The following PCDHGA5 variants were observed in gnomAD, a reference collection of about 807,000 sequenced individuals.
PCDHGA5 encodes the protein protocadherin gamma-A5.
A neutral mutation model predicts 56.7 loss-of-function variants in PCDHGA5; 36 were observed. That is an observed-to-expected ratio of 0.64 (90% confidence interval 0.49 to 0.84). PCDHGA5 has a LOEUF of 0.84. Among genes scored for constraint, PCDHGA5 ranks in the 40% least tolerant of loss-of-function variants. The pLI is 0.00. For synonymous variants in PCDHGA5, 563 were observed against 520.2 expected, an observed-to-expected ratio of 1.08 and a Z score of -1.12; for missense variants, 1,305 against 1,201.5, an observed-to-expected ratio of 1.09 and a Z score of -1.27.
chr5:141,502,866 CTT>C (rs549047197), intron 2 of PCDHGA5, among the ~76,000 whole-genome samples: 3 of 127,996 alleles, frequency 2.3e-5, no homozygotes, highest in Admixed American at 8.6e-5. Flanking sequence ...GACTCTCTGT[CTT>C]TTTTTTTTTT....
In PCDHGA5 at chr5:141,502,866, C is replaced by CTTTTTTTTTTTT. The variant is rs549047197; in HGVS notation, c.2481-2524_2481-2513dup. 2.4e-4 allele frequency among the ~76,000 whole-genome samples: 31 copies of CTTTTTTTTTTTT among 128,008 alleles called. 3 individuals are homozygous for CTTTTTTTTTTTT. Among genetic ancestry groups the CTTTTTTTTTTTT allele is most frequent in the African/African-American group, 3.4e-4 (11 of 32,350 alleles). 84.0% of individuals were successfully genotyped at this position (128,008 alleles called of 152,430 possible). ...GAGCTGCCTAACCCTGACTCTCTGT[C>CTTTTTTTTTTTT]TTTTTTTTTTTTTTGACAGGGAGTC... is the stretch of plus-strand genomic sequence containing the variant. On this transcript the variant is annotated intron_variant, in intron 2 of 3. Transcript: ENST00000518069.
In PCDHGA5 at chr5:141,365,775, G is replaced by A; in HGVS notation, c.1445G>A (p.Gly482Asp). 3 of 1,613,864 alleles carry A rather than the reference G, an allele frequency of 1.9e-6. No homozygotes were observed. The highest frequency in any genetic ancestry group is 2.5e-6 in the Non-Finnish European group (3 of 1,179,884). The change falls in exon 1 of 4, where the codon GGC becomes GAC. Residue 482 changes from glycine to aspartate, a missense_variant. Physicochemically the swap from Gly to Asp is moderately conservative, Grantham distance 94 (BLOSUM62 -1). Coordinates refer to ENST00000518069, the MANE Select transcript of PCDHGA5 (RefSeq NM_018918.3). Reference sequence around the variant, plus strand: ...GTGACAGCCCATGACCCCGACAGCGGCGACAACGCTCGAGTCACCTACTCC... The same window carrying A: ...GTGACAGCCCATGACCCCGACAGCGACGACAACGCTCGAGTCACCTACTCC... ...FSVTAHDPDS[G>D]DNARVTYSLA... is the part of the protein sequence containing the mutation.
intron 1 of PCDHGA5, chr5:141,478,323 G>T (rs1234175290): frequency 1.2e-6 from 2 of 1,613,958 alleles, no homozygotes; most frequent in African/African-American, 2.7e-5. Context: ...TCACTGTACC[G>T]AACACCAGGG....
rs765751985 is a variant in PCDHGA5 at position 141,365,237 on chromosome 5, A to G, written c.907A>G (p.Thr303Ala). ...QLDSNLGEIS[T>A]LQSLDYEESR... ...TGATTCCAACCTGGGGGAAATCTCAACTCTACAATCACTGGACTATGAAGA... is the reference window on the plus strand; with the variant it reads ...TGATTCCAACCTGGGGGAAATCTCAGCTCTACAATCACTGGACTATGAAGA... Residue 303 changes from threonine to alanine, a missense_variant, in exon 1 of 4, where the codon ACT becomes GCT. By Grantham distance (58) the Thr-to-Ala change is moderately conservative (BLOSUM62 0). Coordinates refer to ENST00000518069, the MANE Select transcript of PCDHGA5 (RefSeq NM_018918.3). The G allele has an allele frequency of 1.2e-6, 2 of 1,613,962 alleles. No homozygotes were observed. The highest frequency in any genetic ancestry group is 4.5e-5 in the East Asian group (2 of 44,888).
At chr5:141,387,838 A>AG (rs2091116111) in intron 1 of PCDHGA5, 1 of 1,598,608 alleles carries the variant, frequency 6.3e-7, no homozygotes, top group African/African-American at 1.3e-5. Flanking sequence ...GGTTATTTGT[A>AG]ACCCGGCGTC....
At chr5:141,381,496 A>G (rs139374379) in intron 1 of PCDHGA5, among the ~76,000 whole-genome samples, 67 of 152,346 alleles carry the variant, frequency 4.4e-4, no homozygotes, top group African/African-American at 1.4e-3. Flanking sequence ...TCTCAATTAC[A>G]CTAGAATAGA....
intron 1 of PCDHGA5, among the ~76,000 whole-genome samples, chr5:141,436,809 A>T (rs2097847373): frequency 6.6e-6 from 1 of 152,242 alleles, no homozygotes; most frequent in Non-Finnish European, 1.5e-5. Context: ...TTTTTGTGAC[A>T]GCTGGTTTAA....
intron 1 of PCDHGA5, among the ~76,000 whole-genome samples, chr5:141,406,071 C>T (rs2094755708): frequency 7.4e-6 from 1 of 134,244 alleles, no homozygotes; most frequent in East Asian, 2.1e-4. Context: ...AATTCTTACT[C>T]CTTTTTTTTT....
chr5:141,448,204 C>G (rs757249025), intron 1 of PCDHGA5, among the ~76,000 whole-genome samples: 28 of 152,124 alleles, frequency 1.8e-4, no homozygotes, highest in South Asian at 4.1e-4. Flanking sequence ...CAAACATTTT[C>G]TGTGTGTATG....
At position 141,511,572 on chromosome 5, in the gene PCDHGA5, T is replaced by C. The variant is rs1366960269; in HGVS notation, c.*399T>C. The C allele has an allele frequency of 1.0e-5, 3 of 289,550 alleles. No homozygotes were observed. The East Asian group carries it at 2.4e-4, about 23-fold the overall frequency. 17.9% of individuals were successfully genotyped at this position (289,550 alleles called of 1,614,324 possible). ...AACAGTTCCTCTTTCCCGAGTAAGG[T>C]GGTTGGGGTGTTGAAGTACCAAGTA... On this transcript the variant is annotated 3_prime_UTR_variant, in exon 4 of 4. Coordinates refer to ENST00000518069, the MANE Select transcript of PCDHGA5 (RefSeq NM_018918.3).
At chr5:141,508,664 T>C (rs1381178258) in intron 3 of PCDHGA5, among the ~76,000 whole-genome samples, 1 of 152,030 alleles carries the variant, frequency 6.6e-6, no homozygotes, top group Non-Finnish European at 1.5e-5. Context: ...TGTCATTCTG[T>C]CTCTGCCTCC....
chr5:141,432,276 C>G lies in PCDHGA5; in HGVS notation c.2422-62531C>G, dbSNP rs747589363. ...GGGGCAAGCCTATCGTCCTACGTGT[C>G]CATCAACTCCGACACTGGGGTACTG... On this transcript the variant is annotated intron_variant, in intron 1 of 3. Transcript: ENST00000518069. The surrounding 1 kb of genome is among the most constrained non-coding windows in gnomAD (Gnocchi z 6.0). 6.2e-7 allele frequency: 1 copy of G among 1,614,236 alleles called. No homozygotes were observed. Among genetic ancestry groups the G allele is most frequent in the Non-Finnish European group, 8.5e-7 (1 of 1,180,044 alleles).
chr5:141,446,075 A>G (rs907731619), intron 1 of PCDHGA5, among the ~76,000 whole-genome samples: 1 of 152,216 alleles, frequency 6.6e-6, no homozygotes, highest in Admixed American at 6.5e-5. Context: ...GAGGCAGTGG[A>G]TGTAGAAATA....
In PCDHGA5 at chr5:141,476,258, G is replaced by A. The variant is rs1247889010; in HGVS notation, c.2422-18549G>A. 1 of 1,614,018 alleles carries A rather than the reference G, an allele frequency of 6.2e-7. No individual in the cohort carries two copies. Among genetic ancestry groups the A allele is most frequent in the South Asian group, 1.1e-5 (1 of 91,066 alleles). Reference sequence around the variant, plus strand: ...GGAAAGAGAGAAGGGTTTCGCTGTGGGCAACGTGGTCGCGAACCTTGGTTT... The same window carrying A: ...GGAAAGAGAGAAGGGTTTCGCTGTGAGCAACGTGGTCGCGAACCTTGGTTT... On this transcript the variant is annotated intron_variant, in intron 1 of 3. Coordinates refer to ENST00000518069, the MANE Select transcript of PCDHGA5 (RefSeq NM_018918.3). This position sits in a 1 kb window ranked among gnomAD's most constrained non-coding sequence, Gnocchi z 7.6.
chr5:141,403,358 G>C (rs1031210052), intron 1 of PCDHGA5: 3 of 1,614,026 alleles, frequency 1.9e-6, no homozygotes, highest in Non-Finnish European at 2.5e-6. Flanking sequence ...GTTCCAGGCC[G>C]AAAGTCTGGA....
At chr5:141,508,896 C>A (rs1171693212) in intron 3 of PCDHGA5, among the ~76,000 whole-genome samples, 1 of 151,862 alleles carries the variant, frequency 6.6e-6, no homozygotes, top group Non-Finnish European at 1.5e-5. Context: ...GGGGAGGGGG[C>A]GGGGCGGTGG....
chr5:141,443,827 G>A (rs1425599112), intron 1 of PCDHGA5, among the ~76,000 whole-genome samples: 1 of 152,054 alleles, frequency 6.6e-6, no homozygotes, highest in African/African-American at 2.4e-5. Context: ...ACATAATTAG[G>A]TAAAATGGGT....
At chr5:141,510,408 T>C (rs1447722710) in intron 3 of PCDHGA5, among the ~76,000 whole-genome samples, 1 of 151,878 alleles carries the variant, frequency 6.6e-6, no homozygotes, top group African/African-American at 2.4e-5. Flanking sequence ...GCTAGGGGCA[T>C]GTAAAGCCAT....
chr5:141,376,250 C>A, intron 1 of PCDHGA5: 1 of 1,614,246 alleles, frequency 6.2e-7, no homozygotes, highest in Non-Finnish European at 8.5e-7. Flanking sequence ...GCACAAGTCA[C>A]GCCTGCTGCA....
Sources: gnomAD v4.1 joint callset for allele counts (sites outside exome capture counted in the v4.1 genomes callset) on GRCh38, gnomAD v4.1.1 for gene constraint, Gnocchi (gnomAD v3.1) non-coding constraint, MANE v1.5 for transcripts, NCBI Gene and HGNC (gene_info 2026-07-23, HGNC 2026-07-21) for gene names.